USP35: variants seen among roughly 807,000 people sequenced by gnomAD.
USP35 encodes the protein ubiquitin specific peptidase 35, also known as ubiquitin carboxyl-terminal hydrolase 35.
USP35 carries 69 observed loss-of-function variants against 83.8 expected under a neutral mutation model. The observed-to-expected ratio is 0.82, with a 90% CI of 0.68 to 1.01. The LOEUF (loss-of-function observed/expected upper bound fraction) is 1.01. Ranked by LOEUF, USP35 falls within the 50% of genes least tolerant of loss-of-function variation. The pLI is 0.00. For missense variants in USP35, 1,503 were observed against 1,362.5 expected, an observed-to-expected ratio of 1.10 and a Z score of -1.62; for synonymous variants, 714 against 589.5, an observed-to-expected ratio of 1.21 and a Z score of -3.06.
intron 6 of USP35, among the ~76,000 whole-genome samples, chr11:78,205,593 T>A (rs1863505675): frequency 6.6e-6 from 1 of 152,194 alleles, no homozygotes; most frequent in South Asian, 2.1e-4. Context: ...TTTTTTTTAA[T>A]CTATAAAATG....
the USP35 span, chr11:78,221,974 C>A: frequency 1.4e-6 from 1 of 722,668 alleles, no homozygotes; most frequent in Non-Finnish European, 2.5e-6. Context: ...CACAAGACAT[C>A]GAGACATGAT....
At chr11:78,190,279 T>C (rs924101327) in intron 1 of USP35, among the ~76,000 whole-genome samples, 1 of 152,220 alleles carries the variant, frequency 6.6e-6, no homozygotes, top group African/African-American at 2.4e-5. Context: ...GCTTTTTCTT[T>C]TGCTTTGGTT....
At chr11:78,190,874 A>C (rs956075875) in intron 1 of USP35, among the ~76,000 whole-genome samples, 4 of 152,230 alleles carry the variant, frequency 2.6e-5, no homozygotes, top group Non-Finnish European at 5.9e-5. Flanking sequence ...ATGTCTGCAG[A>C]GTCTCCACTG....
the USP35 span, among the ~76,000 whole-genome samples, chr11:78,225,516 A>G: frequency 6.6e-6 from 1 of 152,202 alleles, no homozygotes; most frequent in African/African-American, 2.4e-5. Flanking sequence ...TTCTCTGAAC[A>G]CCACAGTAAC....
At chr11:78,228,648 G>A in the USP35 span, among the ~76,000 whole-genome samples, 1 of 152,124 alleles carries the variant, frequency 6.6e-6, no homozygotes, top group Admixed American at 6.6e-5. Flanking sequence ...CATGTAAACT[G>A]TACCCACCAT....
chr11:78,219,203 G>C (rs565178188), downstream of USP35: 86 of 1,426,638 alleles, frequency 6.0e-5, no homozygotes, highest in Non-Finnish European at 8.4e-5. Context: ...GAACGGGAGA[G>C]GGGAGAGGGG....
Position 78,200,782 on chromosome 11 carries a change from T to A in USP35, c.1171T>A (p.Tyr391Asn), listed in dbSNP as rs1042895657. ...VFRFPGFPDL[Y>N]EPVMEAIKDL... is the part of the protein sequence containing the mutation. Reference sequence around the variant, plus strand: ...CCGGTTCCCGGGCTTCCCGGATCTGTATGAGCCTGTCATGGAGGCCATCAA... The same window carrying A: ...CCGGTTCCCGGGCTTCCCGGATCTGAATGAGCCTGTCATGGAGGCCATCAA... Residue 391 changes from tyrosine to asparagine, a missense_variant, in exon 6 of 11, where the codon TAT becomes AAT. Tyr to Asn is a moderately radical substitution (Grantham distance 143). Transcript: ENST00000529308. 6.2e-7 allele frequency: 1 copy of A among 1,612,482 alleles called. No individual in the cohort carries two copies. The highest frequency in any genetic ancestry group is 8.5e-7 in the Non-Finnish European group (1 of 1,178,900).
At chr11:78,219,895 T>C (rs1032386737), downstream of USP35, among the ~76,000 whole-genome samples, 2 of 152,162 alleles carry the variant, frequency 1.3e-5, no homozygotes, top group Non-Finnish European at 2.9e-5. Context: ...GGATGCCTCC[T>C]GGGGAGGCTT....
At position 78,215,096 on chromosome 11, in the gene USP35, C is replaced by T. The variant is rs147224059; in HGVS notation, c.*1283C>T. Among the ~76,000 whole-genome samples, 92 of 152,284 alleles carry T rather than the reference C, an allele frequency of 6.0e-4. No homozygotes were observed. The East Asian group carries it at 0.014, about 24-fold the overall frequency. On this transcript the variant is annotated 3_prime_UTR_variant, in exon 11 of 11. Coordinates refer to ENST00000529308, the MANE Select transcript of USP35 (RefSeq NM_020798.4). Reference sequence around the variant, plus strand: ...GACACGCCCAGAACCCATCTCTAGACGCCTAAGAAAGCTGGATGGGTAAAT... The same window carrying T: ...GACACGCCCAGAACCCATCTCTAGATGCCTAAGAAAGCTGGATGGGTAAAT...
chr11:78,210,258 G>C lies in USP35; in HGVS notation c.2403G>C (p.Pro801=). 1 of 1,614,104 alleles carries C rather than the reference G, an allele frequency of 6.2e-7. No homozygotes were observed. The highest frequency in any genetic ancestry group is 1.1e-5 in the South Asian group (1 of 91,074). The change falls in exon 10 of 11, where the codon CCG becomes CCC. Residue 801 remains proline (P), a synonymous_variant. Coordinates refer to ENST00000529308, the MANE Select transcript of USP35 (RefSeq NM_020798.4). ...AEKVVELSQG[P]CYLILTLLRF... Reference sequence around the variant, plus strand: ...AGGTGGTGGAGCTGAGCCAAGGGCCGTGCTACCTCATCCTCACACTGCTGC... The same window carrying C: ...AGGTGGTGGAGCTGAGCCAAGGGCCCTGCTACCTCATCCTCACACTGCTGC...
At chr11:78,209,347 CAA>C in intron 9 of USP35, 99 bp from the exon 10 acceptor site, 1 of 1,279,376 alleles carries the variant, frequency 7.8e-7, no homozygotes, top group Non-Finnish European at 1.1e-6. Context: ...GTGTGCGTCT[CAA>C]TGTGTGGCTG....
In USP35 at chr11:78,196,437, G is replaced by A. The variant is rs1345233267; in HGVS notation, c.192G>A (p.Leu64=). ...EELPRRVGCQ[L]LHVAGRHHPD... is the part of the protein sequence containing the mutation. Reference sequence around the variant, plus strand: ...TGCCGCGCCGCGTGGGCTGCCAGCTGCTGCACGTGGCCGGCCGCCACCACC... The same window carrying A: ...TGCCGCGCCGCGTGGGCTGCCAGCTACTGCACGTGGCCGGCCGCCACCACC... Residue 64 remains leucine (L), a synonymous_variant, in exon 2 of 11, where the codon CTG becomes CTA. Transcript: ENST00000529308. This position sits in a 1 kb window ranked among gnomAD's most constrained non-coding sequence, Gnocchi z 4.8. 1 of 1,276,198 alleles carries A rather than the reference G, an allele frequency of 7.8e-7. No homozygotes were observed. Among genetic ancestry groups the A allele is most frequent in the Non-Finnish European group, 9.9e-7 (1 of 1,012,426 alleles). The allele number at this position is 1,276,198 out of a possible 1,614,324, so 79.1% of individuals were successfully genotyped here. A position where few individuals can be genotyped will look rare whatever the true frequency, so the allele number is the denominator to read the frequency against.
rs1864041286 is a variant in USP35, at chr11:78,214,911, G to A, written c.*1098G>A. On this transcript the variant is annotated 3_prime_UTR_variant, in exon 11 of 11. Coordinates refer to ENST00000529308, the MANE Select transcript of USP35 (RefSeq NM_020798.4). Reference sequence around the variant, plus strand: ...TTACTTACCTTACTGAGGGCTGGGTGATGCTGCCCGTGGAGAGGATGCACC... The same window carrying A: ...TTACTTACCTTACTGAGGGCTGGGTAATGCTGCCCGTGGAGAGGATGCACC... Among the ~76,000 whole-genome samples, 1 of 152,130 alleles carries A rather than the reference G, an allele frequency of 6.6e-6. No individual in the cohort carries two copies. The highest frequency in any genetic ancestry group is 2.4e-5 in the African/African-American group (1 of 41,424).
At chr11:78,237,109 G>C in the USP35 span, among the ~76,000 whole-genome samples, 5 of 152,112 alleles carry the variant, frequency 3.3e-5, no homozygotes, top group Non-Finnish European at 7.4e-5. Flanking sequence ...AAAGACTGTG[G>C]GTAAGATTGG....
At chr11:78,218,013 C>T, downstream of USP35, 1 of 152,974 alleles carries the variant, frequency 6.5e-6, no homozygotes, top group Non-Finnish European at 1.5e-5. Context: ...TGCACGTGTC[C>T]CTCCTTCACT....
At chr11:78,207,645 G>T (rs754749276) in intron 8 of USP35, 22 bp downstream of exon 8, 189 of 1,609,464 alleles carry the variant, frequency 1.2e-4, no homozygotes, top group Non-Finnish European at 1.5e-4. Flanking sequence ...GGCAGTCAGA[G>T]GGGGGTGGAG....
Position 78,196,116 on chromosome 11 carries a change from G to A in USP35, c.-10-120G>A. 4 of 1,415,858 alleles carry A rather than the reference G, an allele frequency of 2.8e-6. No individual in the cohort carries two copies. The South Asian group carries it at 6.0e-5, about 21-fold the overall frequency. The allele number at this position is 1,415,858 out of a possible 1,614,324, so 87.7% of individuals were successfully genotyped here. A position where few individuals can be genotyped will look rare whatever the true frequency, so the allele number is the denominator to read the frequency against. ...CGCCCTTGCCCCATTTCACAGATGA[G>A]AAAACTGAGGCCCAGAAAGTTTGAG... On this transcript the variant is annotated intron_variant, in intron 1 of 10. Coordinates refer to ENST00000529308, the MANE Select transcript of USP35 (RefSeq NM_020798.4). This position sits in a 1 kb window ranked among gnomAD's most constrained non-coding sequence, Gnocchi z 4.8.
chr11:78,229,696 T>G, the USP35 span, among the ~76,000 whole-genome samples: 1 of 152,216 alleles, frequency 6.6e-6, no homozygotes, highest in African/African-American at 2.4e-5. Context: ...CCCAAACTCC[T>G]AGGTTTATCC....
chr11:78,220,077 C>T (rs909422111), downstream of USP35, among the ~76,000 whole-genome samples: 2 of 152,184 alleles, frequency 1.3e-5, no homozygotes, highest in Non-Finnish European at 2.9e-5. Flanking sequence ...ATCTCTACAA[C>T]ACGGGGGATG....
Sources: gnomAD v4.1 joint callset for allele counts (sites outside exome capture counted in the v4.1 genomes callset) on GRCh38, gnomAD v4.1.1 for gene constraint, Gnocchi (gnomAD v3.1) non-coding constraint, MANE v1.5 for transcripts, NCBI Gene and HGNC (gene_info 2026-07-23, HGNC 2026-07-21) for gene names.